Variants in GABPB1 observed in about 807,000 individuals in gnomAD.
GABPB1 encodes the protein GA-binding protein subunit beta-1.
In GABPB1, 15 loss-of-function variants were observed where a neutral mutation model predicts 45.9. The observed-to-expected ratio is 0.33, with a 90% CI of 0.22 to 0.50. The LOEUF (loss-of-function observed/expected upper bound fraction) is 0.50. Ranked by LOEUF, GABPB1 falls within the 20% of genes least tolerant of loss-of-function variation. GABPB1 has a pLI of 0.98. For synonymous variants in GABPB1, 143 were observed against 154.4 expected, an observed-to-expected ratio of 0.93 and a Z score of 0.55; for missense variants, 252 against 457.5, an observed-to-expected ratio of 0.55 and a Z score of 4.10.
chr15:50,311,882 T>A (rs1318637412), intron 1 of GABPB1, among the ~76,000 whole-genome samples: 1 of 152,146 alleles, frequency 6.6e-6, no homozygotes, highest in Non-Finnish European at 1.5e-5. Context: ...TAATTTTTAG[T>A]AGATTAGCTA....
rs368703007 is a variant in GABPB1, at chr15:50,289,596, C to G, written c.770G>C (p.Gly257Ala). 8.1e-6 allele frequency: 13 copies of G among 1,613,396 alleles called. No homozygotes were observed. Among genetic ancestry groups the G allele is most frequent in the Non-Finnish European group, 1.1e-5 (13 of 1,179,774 alleles). ...TGTAACTATTGTGATGACTTGCTGA[C>G]CCCCTGAACTAACTACTTGCTGAAT... Reference protein sequence around the residue: ...GAIQQVVSSGGQQVITIVTDG... With the variant: ...GAIQQVVSSGAQQVITIVTDG... Residue 257 changes from glycine (G) to alanine (A), a missense_variant, in exon 7 of 9, where the codon GGT becomes GCT. Around this residue, in one of 4 missense-constraint regions of GABPB1, gnomAD observed 193 missense variants for 259.9 expected, o/e 0.74. Coordinates refer to ENST00000380877, the MANE Select transcript of GABPB1 (RefSeq NM_016654.5).
At chr15:50,341,808 T>C (rs1339207064) in intron 1 of GABPB1, among the ~76,000 whole-genome samples, 1 of 152,182 alleles carries the variant, frequency 6.6e-6, no homozygotes, top group Non-Finnish European at 1.5e-5. Context: ...AAACTGACTG[T>C]TTTGGAATTA....
At chr15:50,334,588 A>G (rs1478574702) in intron 1 of GABPB1, among the ~76,000 whole-genome samples, 2 of 142,702 alleles carry the variant, frequency 1.4e-5, no homozygotes, top group Non-Finnish European at 3.0e-5. Context: ...GCTCACTATA[A>G]CTTTGACTTC....
At chr15:50,278,841 A>C (rs2045891285) in intron 8 of GABPB1, 57 bp from the exon 9 acceptor site, 4 of 1,355,914 alleles carry the variant, frequency 3.0e-6, no homozygotes. Context: ...TTATTAATAC[A>C]TATAAGCATG....
chr15:50,317,825 C>A (rs1259156927), intron 1 of GABPB1, among the ~76,000 whole-genome samples: 1 of 151,568 alleles, frequency 6.6e-6, no homozygotes, highest in East Asian at 1.9e-4. Context: ...AGGAGAATGG[C>A]GCGAACCCGG....
At chr15:50,340,759 C>CTATCAT (rs1212298000) in intron 1 of GABPB1, among the ~76,000 whole-genome samples, 1 of 151,300 alleles carries the variant, frequency 6.6e-6, no homozygotes, top group Non-Finnish European at 1.5e-5. Context: ...TTGTTGGCCA[C>CTATCAT]TATGTTTCCT....
chr15:50,291,636 A>T (rs1367034532), intron 6 of GABPB1, among the ~76,000 whole-genome samples: 2 of 151,918 alleles, frequency 1.3e-5, no homozygotes, highest in Non-Finnish European at 2.9e-5. Flanking sequence ...TGAATTTTAA[A>T]AAATCTTTCT....
intron 1 of GABPB1, chr15:50,354,656 C>T (rs893715554): frequency 4.6e-6 from 2 of 430,402 alleles, no homozygotes; most frequent in Admixed American, 2.5e-5. Flanking sequence ...GGCTGCCGCT[C>T]GGGACCGGCA....
At chr15:50,317,628 G>C (rs527381028) in intron 1 of GABPB1, among the ~76,000 whole-genome samples, 1 of 151,260 alleles carries the variant, frequency 6.6e-6, no homozygotes, top group African/African-American at 2.4e-5. Context: ...TAGATATTGA[G>C]GCTGGGCGCG....
intron 1 of GABPB1, among the ~76,000 whole-genome samples, chr15:50,347,083 C>T (rs1221189970): frequency 1.3e-5 from 2 of 151,984 alleles, no homozygotes; most frequent in African/African-American, 4.8e-5. Flanking sequence ...CCACTGCACC[C>T]GGTCTGGAGT....
At chr15:50,340,564 A>C (rs1371295210) in intron 1 of GABPB1, among the ~76,000 whole-genome samples, 2 of 148,040 alleles carry the variant, frequency 1.4e-5, no homozygotes, top group Non-Finnish European at 1.5e-5. Context: ...AAAAAAAAAA[A>C]AAAAAAACAT....
intron 1 of GABPB1, among the ~76,000 whole-genome samples, chr15:50,334,213 T>C (rs1342626424): frequency 6.6e-6 from 1 of 152,118 alleles, no homozygotes; most frequent in African/African-American, 2.4e-5. Context: ...TGAATTCTGG[T>C]TTGGTATCTT....
rs1166573193 is a variant in GABPB1 at position 50,309,748 on chromosome 15, A to G, written c.51T>C (p.Gly17=). The change falls in exon 2 of 9, where the codon GGT becomes GGC. Residue 17 remains glycine, a synonymous_variant. Transcript: ENST00000380877. ...GKKLLEAARA[G]QDDEVRILMA... is the part of the protein sequence containing the mutation. ...TCAAAATACGAACTTCATCATCTTG[A>G]CCTGCTCGTGCCGCTTCTAAAAGCT... The G allele has an allele frequency of 6.2e-7, 1 of 1,613,618 alleles. No homozygotes were observed. Among genetic ancestry groups the G allele is most frequent in the Non-Finnish European group, 8.5e-7 (1 of 1,179,720 alleles).
At chr15:50,354,496 C>T (rs771012878) in intron 1 of GABPB1, 2 of 448,956 alleles carry the variant, frequency 4.5e-6, no homozygotes, top group Admixed American at 4.7e-5. Flanking sequence ...GAGAGCCCGG[C>T]GGGGCCGTCA....
In GABPB1 at chr15:50,303,963, T is replaced by A. The variant is rs1318767017; in HGVS notation, c.276+3A>T. On this transcript the variant is annotated splice_donor_region_variant and intron_variant, in intron 3 of 8. Coordinates refer to ENST00000380877, the MANE Select transcript of GABPB1 (RefSeq NM_016654.5). ...AAGCAAAGTGCAAAAAGAGAACACA[T>A]ACCTTAAGTAAAACCTCTACTATGC... The A allele has an allele frequency of 1.9e-6, 3 of 1,589,552 alleles. No individual in the cohort carries two copies. The highest frequency in any genetic ancestry group is 2.3e-5 in the South Asian group (2 of 86,168).
chr15:50,326,367 T>A (rs547634163), intron 1 of GABPB1, among the ~76,000 whole-genome samples: 3 of 149,972 alleles, frequency 2.0e-5, no homozygotes, highest in Non-Finnish European at 4.4e-5. Context: ...TTTTTAAAAA[T>A]TAGCCAAGAG....
intron 1 of GABPB1, chr15:50,350,507 TTAAA>T (rs1187837182): frequency 6.6e-6 from 1 of 151,554 alleles, no homozygotes; most frequent in Non-Finnish European, 1.5e-5. Context: ...AAGCCCTTCA[TTAAA>T]TAGCCTTCTC....
At chr15:50,320,859 G>T (rs1292512872) in intron 1 of GABPB1, among the ~76,000 whole-genome samples, 1 of 152,104 alleles carries the variant, frequency 6.6e-6, no homozygotes. Context: ...ATGGAGGAAG[G>T]GGTCACAGGT....
intron 2 of GABPB1, 100 bp downstream of exon 2, chr15:50,309,591 C>A: frequency 3.0e-6 from 2 of 668,680 alleles, no homozygotes; most frequent in South Asian, 2.1e-5. Flanking sequence ...AAAATAATAA[C>A]TTTTTACCAC....
Sources: gnomAD v4.1 joint callset for allele counts (sites outside exome capture counted in the v4.1 genomes callset) on GRCh38, gnomAD v4.1.1 for gene constraint, gnomAD v4.1.1 regional missense constraint, MANE v1.5 for transcripts, NCBI Gene and HGNC (gene_info 2026-07-23, HGNC 2026-07-21) for gene names.